The following TINAGL1 variants were observed in gnomAD, a reference collection of about 807,000 sequenced individuals.
TINAGL1 encodes the protein tubulointerstitial nephritis antigen-like.
A neutral mutation model predicts 62.0 loss-of-function variants in TINAGL1; 34 were observed. That is an observed-to-expected ratio of 0.55 (90% CI 0.42 to 0.73). The LOEUF (loss-of-function observed/expected upper bound fraction) is 0.73, where lower values mean the gene tolerates loss of function less well. Ranked by LOEUF, TINAGL1 falls within the 30% of genes least tolerant of loss-of-function variation. The pLI is 0.00. For synonymous variants in TINAGL1, 221 were observed against 249.7 expected (o/e 0.88, Z 1.08); for missense variants, 516 against 653.2 (o/e 0.79, Z 2.29).
chr1:31,579,093 GAA>G, intron 2 of TINAGL1, 109 bp from the exon 3 acceptor site: 1 of 770,040 alleles, frequency 1.3e-6, no homozygotes, highest in Non-Finnish European at 2.3e-6. Context: ...CAGAGAGAGA[GAA>G]AGAGAGAGAA....
intron 3 of TINAGL1, chr1:31,580,442 G>A (rs1307310266): frequency 2.3e-6 from 3 of 1,289,342 alleles, no homozygotes; most frequent in South Asian, 2.5e-5. Context: ...GGAGTGTCCA[G>A]GGTGTCAGAG....
intron 3 of TINAGL1, among the ~76,000 whole-genome samples, chr1:31,579,507 A>G (rs1036009146): frequency 6.6e-6 from 1 of 152,158 alleles, no homozygotes; most frequent in African/African-American, 2.4e-5. Context: ...TCACCCTTGA[A>G]CTGAGATCCT....
At chr1:31,580,506 AG>A in intron 3 of TINAGL1, 3 of 1,289,192 alleles carry the variant, frequency 2.3e-6, no homozygotes, top group Non-Finnish European at 2.0e-6. Context: ...AGGTGTGCAG[AG>A]GGGGAACAGC....
In TINAGL1 at chr1:31,585,733, A is replaced by G; in HGVS notation, c.1094-20A>G. The G allele has an allele frequency of 6.2e-7, 1 of 1,609,582 alleles. No homozygotes were observed. Among genetic ancestry groups the G allele is most frequent in the Non-Finnish European group, 8.5e-7 (1 of 1,177,852 alleles). ...TGTGCCAACGGGCTGAGTGGACCCT[A>G]CCTTGACATCTGCCCACAGCCCTCA... On this transcript the variant is annotated intron_variant, in intron 9 of 11. Coordinates refer to ENST00000271064, the MANE Select transcript of TINAGL1 (RefSeq NM_022164.3). This position sits in a 1 kb window ranked among gnomAD's most constrained non-coding sequence, Gnocchi z 4.3.
intron 10 of TINAGL1, chr1:31,586,124 A>G: frequency 2.5e-6 from 1 of 407,482 alleles, no homozygotes; most frequent in East Asian, 4.6e-5. Flanking sequence ...CAATATGAAG[A>G]GAGCCTCAAG....
rs143115992 is a variant in TINAGL1, at chr1:31,584,645, C to T, written c.583-33C>T. ...ACCTGAGGGGCAGGCCAGGGCAGAGCAGGAGGCAGACAGGGCAACCTTTAT... is the reference window on the plus strand; with the variant it reads ...ACCTGAGGGGCAGGCCAGGGCAGAGTAGGAGGCAGACAGGGCAACCTTTAT... On this transcript the variant is annotated intron_variant, in intron 5 of 11. Coordinates refer to ENST00000271064, the MANE Select transcript of TINAGL1 (RefSeq NM_022164.3). The surrounding 1 kb of genome is among the most constrained non-coding windows in gnomAD (Gnocchi z 4.0). The T allele has an allele frequency of 2.5e-6, 4 of 1,612,196 alleles. No individual in the cohort carries two copies. In the African/African-American group the frequency reaches 5.3e-5, roughly 22 times the overall value.
At chr1:31,582,783 A>T (rs941732345) in intron 3 of TINAGL1, among the ~76,000 whole-genome samples, 1 of 151,874 alleles carries the variant, frequency 6.6e-6, no homozygotes, top group Non-Finnish European at 1.5e-5. Context: ...GTCAGCGGGG[A>T]CTGCCAGGTT....
Position 31,576,608 on chromosome 1 carries a change from C to T in TINAGL1, c.-16+13C>T, listed in dbSNP as rs1638956898. 1 of 152,572 alleles carries T rather than the reference C, an allele frequency of 6.6e-6. No homozygotes were observed. Among genetic ancestry groups the T allele is most frequent in the South Asian group, 2.1e-4 (1 of 4,844 alleles). 9.5% of individuals were successfully genotyped at this position (152,572 alleles called of 1,614,324 possible). A position where few individuals can be genotyped will look rare whatever the true frequency, so the allele number is the denominator to read the frequency against. ...ACACCTTCACCAGGTAGGGACGCTCCCCTGCTCAGAGGGCGGAAGGTGTAG... is the reference window on the plus strand; with the variant it reads ...ACACCTTCACCAGGTAGGGACGCTCTCCTGCTCAGAGGGCGGAAGGTGTAG... On this transcript the variant is annotated intron_variant, in intron 1 of 11. Coordinates refer to ENST00000271064, the MANE Select transcript of TINAGL1 (RefSeq NM_022164.3). The surrounding 1 kb of genome is among the most constrained non-coding windows in gnomAD (Gnocchi z 5.1).
chr1:31,579,146 C>A (rs1386415882), intron 2 of TINAGL1, 58 bp from the exon 3 acceptor site: 2 of 1,445,450 alleles, frequency 1.4e-6, no homozygotes, highest in Non-Finnish European at 1.9e-6. Context: ...AAGGACCTGG[C>A]CAATTAGCCC....
Position 31,587,269 on chromosome 1 carries a change from A to C in TINAGL1, c.*290A>C. ...CTGGCGCCCCCACTCAAGACTACCA[A>C]AGCCAGGACACCTCAAGTCTCCAGC... On this transcript the variant is annotated 3_prime_UTR_variant, in exon 12 of 12. Transcript: ENST00000271064. 2 of 299,402 alleles carry C rather than the reference A, an allele frequency of 6.7e-6. No individual in the cohort carries two copies. Among genetic ancestry groups the C allele is most frequent in the Non-Finnish European group, 1.2e-5 (2 of 165,316 alleles). 18.5% of individuals were successfully genotyped at this position (299,402 alleles called of 1,614,324 possible).
rs780392858 is a variant in TINAGL1, at chr1:31,583,476, C to T, written c.483C>T (p.Asn161=). Residue 161 remains asparagine, a synonymous_variant, in exon 5 of 12, where the codon AAC becomes AAT. Transcript: ENST00000271064. The surrounding 1 kb of genome is among the most constrained non-coding windows in gnomAD (Gnocchi z 4.4). ...NQGNYGWQAG[N]HSAFWGMTLD... ...TCTCCTTCAGCTGGCAGGCTGGGAA[C>T]CACAGCGCCTTCTGGGGCATGACCC... 8 of 1,613,856 alleles carry T rather than the reference C, an allele frequency of 5.0e-6. No homozygotes were observed. The East Asian group carries it at 1.8e-4, about 36-fold the overall frequency.
At chr1:31,579,326 T>A in intron 3 of TINAGL1, 59 bp downstream of exon 3, 1 of 1,500,808 alleles carries the variant, frequency 6.7e-7, no homozygotes, top group Non-Finnish European at 9.3e-7. Flanking sequence ...ACAGACTTGG[T>A]TCAAATCTTA....
intron 2 of TINAGL1, chr1:31,578,243 G>GTGTGTGTGT (rs1639055222): frequency 6.7e-6 from 2 of 300,002 alleles, no homozygotes; most frequent in African/African-American, 2.6e-5. Context: ...AGTGAGAGCT[G>GTGTGTGTGT]GTGTGTGTGT....
chr1:31,580,482 G>C (rs754526351), intron 3 of TINAGL1: 7 of 1,289,172 alleles, frequency 5.4e-6, no homozygotes, highest in Non-Finnish European at 1.0e-6. Context: ...GAGTCTAGTC[G>C]GGTGCTGCTG....
At position 31,587,113 on chromosome 1, in the gene TINAGL1, G is replaced by A. The variant is rs557474109; in HGVS notation, c.*134G>A. On this transcript the variant is annotated 3_prime_UTR_variant, in exon 12 of 12. Coordinates refer to ENST00000271064, the MANE Select transcript of TINAGL1 (RefSeq NM_022164.3). The stretch of plus-strand genomic sequence containing the variant: ...GGCGGGCGCCAGGGCGCTAATCCCG[G>A]CGCGGGTTCCGCTGACGCAGCGCCC... 10 of 1,277,150 alleles carry A rather than the reference G, an allele frequency of 7.8e-6. No homozygotes were observed. The Admixed American group carries it at 4.0e-4, about 51-fold the overall frequency. 79.1% of individuals were successfully genotyped at this position (1,277,150 alleles called of 1,614,324 possible). A position where few individuals can be genotyped will look rare whatever the true frequency, so the allele number is the denominator to read the frequency against.
Position 31,585,504 on chromosome 1 carries a change from C to T in TINAGL1, c.1093+19C>T. ...GTCCAAGGTAAACCCCCTTATCCAG[C>T]ACCCTGGTTCCAGAAGCTTGTGCCT... On this transcript the variant is annotated intron_variant, in intron 9 of 11. Transcript: ENST00000271064. This position sits in a 1 kb window ranked among gnomAD's most constrained non-coding sequence, Gnocchi z 4.3. 6.2e-7 allele frequency: 1 copy of T among 1,613,704 alleles called. No individual in the cohort carries two copies. The highest frequency in any genetic ancestry group is 8.5e-7 in the Non-Finnish European group (1 of 1,179,800).
Position 31,577,347 on chromosome 1 carries a change from C to G in TINAGL1, c.199C>G (p.Leu67Val). The stretch of plus-strand genomic sequence containing the variant: ...TGCCGACGACTGTGCCCTGCCCTAC[C>G]TGGGCGCCATCTGTTACTGTGACCT... ...GRADDCALPY[L>V]GAICYCDLFC... The change falls in exon 2 of 12, where the codon CTG (leucine) becomes GTG (valine). Residue 67 changes from leucine (L) to valine (V), a missense_variant. Leu to Val is a conservative substitution (Grantham distance 32). Transcript: ENST00000271064. This position sits in a 1 kb window ranked among gnomAD's most constrained non-coding sequence, Gnocchi z 5.4. 6.2e-7 allele frequency: 1 copy of G among 1,614,030 alleles called. No homozygotes were observed.
Position 31,584,440 on chromosome 1 carries a change from G to C in TINAGL1, c.583-238G>C, listed in dbSNP as rs1224339099. On this transcript the variant is annotated intron_variant, in intron 5 of 11. Transcript: ENST00000271064. This position sits in a 1 kb window ranked among gnomAD's most constrained non-coding sequence, Gnocchi z 4.0. The stretch of plus-strand genomic sequence containing the variant: ...CTCAGCTGCCTCATCTGGGAAGCAG[G>C]ACTAGTCACCACCGCCACCCCGCCC... 1 of 555,558 alleles carries C rather than the reference G, an allele frequency of 1.8e-6. No individual in the cohort carries two copies. Among genetic ancestry groups the C allele is most frequent in the Admixed American group, 3.1e-5 (1 of 31,778 alleles). The allele number at this position is 555,558 out of a possible 1,614,324, so 34.4% of individuals were successfully genotyped here. A position where few individuals can be genotyped will look rare whatever the true frequency, so the allele number is the denominator to read the frequency against.
In TINAGL1 at chr1:31,580,237, G is replaced by GTC. The variant is rs1199526397; in HGVS notation, c.374+982_374+983dup. 32 of 489,376 alleles carry GTC rather than the reference G, an allele frequency of 6.5e-5. No individual in the cohort carries two copies. The African/African-American group carries it at 8.9e-4, about 14-fold the overall frequency. The allele number at this position is 489,376 out of a possible 1,614,324, so 30.3% of individuals were successfully genotyped here. Reference sequence around the variant, plus strand: ...TGTCTCTCTCTCTCTGTCTCTCTCTGTCTCTCTCTCTCTGTCTCTCTCTCT... The same window carrying GTC: ...TGTCTCTCTCTCTCTGTCTCTCTCTGTCTCTCTCTCTCTCTGTCTCTCTCTCT... On this transcript the variant is annotated intron_variant, in intron 3 of 11. Transcript: ENST00000271064.
Sources: gnomAD v4.1 joint callset for allele counts (sites outside exome capture counted in the v4.1 genomes callset) on GRCh38, gnomAD v4.1.1 for gene constraint, Gnocchi (gnomAD v3.1) non-coding constraint, MANE v1.5 for transcripts, NCBI Gene and HGNC (gene_info 2026-07-23, HGNC 2026-07-21) for gene names.